Variants in GRHL2 observed in about 807,000 individuals in gnomAD.
GRHL2 encodes grainyhead like transcription factor 2.
A neutral mutation model predicts 83.8 loss-of-function variants in GRHL2; 21 were observed. The observed-to-expected ratio is 0.25, with a 90% CI of 0.18 to 0.36. The LOEUF (loss-of-function observed/expected upper bound fraction) is 0.36, where lower values mean the gene tolerates loss of function less well. GRHL2 is among the 10% of genes least tolerant of loss of function. The pLI is 1.00. For synonymous variants in GRHL2, 280 were observed against 278.9 expected (o/e 1.00, Z -0.04); for missense variants, 623 against 781.8 (o/e 0.80, Z 2.42).
At chr8:101,633,343 G>A (rs1160621615) in intron 11 of GRHL2, among the ~76,000 whole-genome samples, 1 of 152,150 alleles carries the variant, frequency 6.6e-6, no homozygotes, top group Non-Finnish European at 1.5e-5. Context: ...GTCCTTTGAG[G>A]AAACATCTGT....
chr8:101,652,785 T>C (rs1045831496), intron 14 of GRHL2, among the ~76,000 whole-genome samples: 9 of 152,094 alleles, frequency 5.9e-5, no homozygotes, highest in Admixed American at 2.0e-4. Flanking sequence ...GCTCGTGGGA[T>C]TGTTGTGAGA....
intron 8 of GRHL2, among the ~76,000 whole-genome samples, chr8:101,616,519 C>G (rs2130362583): frequency 6.6e-6 from 1 of 152,230 alleles, no homozygotes; most frequent in African/African-American, 2.4e-5. Flanking sequence ...TGTGAATCAC[C>G]TGACATTTGC....
chr8:101,625,014 T>G (rs1813053752), intron 9 of GRHL2, among the ~76,000 whole-genome samples: 1 of 152,160 alleles, frequency 6.6e-6, no homozygotes, highest in Admixed American at 6.6e-5. Context: ...AATCAGCTTA[T>G]GTCTTTAATT....
intron 1 of GRHL2, among the ~76,000 whole-genome samples, chr8:101,519,491 T>C (rs371154259): frequency 4.6e-5 from 7 of 151,938 alleles, no homozygotes; most frequent in African/African-American, 1.4e-4. Flanking sequence ...CTCAGACTCC[T>C]GGGTTTAAGC....
At chr8:101,581,350 G>T (rs959660204) in intron 7 of GRHL2, among the ~76,000 whole-genome samples, 5 of 152,176 alleles carry the variant, frequency 3.3e-5, no homozygotes, top group Non-Finnish European at 7.3e-5. Context: ...ACAAACCCAG[G>T]CCCAAGTAGA....
At chr8:101,575,157 TC>T (rs886463256) in intron 6 of GRHL2, among the ~76,000 whole-genome samples, 8 of 152,028 alleles carry the variant, frequency 5.3e-5, no homozygotes, top group African/African-American at 1.7e-4. Context: ...AATTACATCC[TC>T]CCCCTCTTGT....
intron 13 of GRHL2, among the ~76,000 whole-genome samples, chr8:101,646,740 C>A (rs1483556868): frequency 1.3e-5 from 2 of 152,224 alleles, no homozygotes; most frequent in Non-Finnish European, 2.9e-5. Context: ...ATGTGGCCAC[C>A]TGCCTTTGGC....
At chr8:101,495,539 A>T (rs979111535) in intron 1 of GRHL2, among the ~76,000 whole-genome samples, 6 of 152,236 alleles carry the variant, frequency 3.9e-5, no homozygotes, top group Admixed American at 3.9e-4. Context: ...AAGCATGTGT[A>T]CAAGTGAAGC....
chr8:101,680,094 A>G, the GRHL2 span, among the ~76,000 whole-genome samples: 1 of 119,314 alleles, frequency 8.4e-6, no homozygotes, highest in Non-Finnish European at 1.7e-5. Context: ...TTAAATGTAA[A>G]TGGGCTAAAT....
chr8:101,673,492 G>C (rs1054264920), downstream of GRHL2, among the ~76,000 whole-genome samples: 1 of 146,348 alleles, frequency 6.8e-6, no homozygotes, highest in Admixed American at 6.9e-5. Flanking sequence ...AATTCAACAA[G>C]AAGAGCTAAC....
Position 101,533,502 on chromosome 8 carries a change from A to G in GRHL2, c.21-9739A>G, listed in dbSNP as rs186476089. On this transcript the variant is annotated intron_variant, in intron 1 of 15. Coordinates refer to ENST00000646743, the MANE Select transcript of GRHL2 (RefSeq NM_024915.4). ...ATATATTCATGAACAAAACAACCCC[A>G]GCCCTGTGGAACTTAGGTTCTAGCG... is the stretch of plus-strand genomic sequence containing the variant. 3.7e-3 allele frequency among the ~76,000 whole-genome samples: 565 copies of G among 152,370 alleles called. 5 individuals are homozygous for G. The highest frequency in any genetic ancestry group is 0.013 in the African/African-American group (547 of 41,586).
chr8:101,631,905 A>G (rs571627961), intron 10 of GRHL2, among the ~76,000 whole-genome samples, 181 bp downstream of exon 10: 2 of 152,342 alleles, frequency 1.3e-5, no homozygotes, highest in East Asian at 3.9e-4. Context: ...ATAGAATCAC[A>G]TGAGCACAGT....
chr8:101,569,497 C>T (rs1811778965), intron 4 of GRHL2, among the ~76,000 whole-genome samples: 1 of 152,190 alleles, frequency 6.6e-6, no homozygotes, highest in Non-Finnish European at 1.5e-5. Flanking sequence ...TTAATAGGCA[C>T]TCCAGCCTGT....
intron 1 of GRHL2, chr8:101,542,927 C>A (rs1352454709): frequency 2.2e-6 from 1 of 445,434 alleles, no homozygotes; most frequent in Non-Finnish European, 4.4e-6. Flanking sequence ...GGGCTCAACA[C>A]CATGTGGGAG....
intron 1 of GRHL2, among the ~76,000 whole-genome samples, chr8:101,514,265 A>G (rs1253836020): frequency 6.6e-6 from 1 of 152,248 alleles, no homozygotes; most frequent in Non-Finnish European, 1.5e-5. Flanking sequence ...ATTCCTGTGG[A>G]TAGAACTGGG....
At chr8:101,494,022 C>A (rs535247413) in intron 1 of GRHL2, among the ~76,000 whole-genome samples, 17 of 152,276 alleles carry the variant, frequency 1.1e-4, no homozygotes, top group African/African-American at 4.1e-4. Context: ...CGCGTCCGGG[C>A]CTGGGAACTG....
At chr8:101,617,284 G>A (rs1012625896) in intron 8 of GRHL2, among the ~76,000 whole-genome samples, 3 of 152,174 alleles carry the variant, frequency 2.0e-5, no homozygotes, top group Non-Finnish European at 2.9e-5. Flanking sequence ...TAATCAGCCT[G>A]TCACTAAGCC....
Position 101,626,892 on chromosome 8 carries a change from C to T in GRHL2, c.1258-4745C>T, listed in dbSNP as rs182030592. ...TTTTCTTTACTTTAATGGAATGTAT[C>T]GAAGCTTCCCGGGGTCACTGTGAAG... is the stretch of plus-strand genomic sequence containing the variant. On this transcript the variant is annotated intron_variant, in intron 9 of 15. Transcript: ENST00000646743. Among the ~76,000 whole-genome samples the T allele has an allele frequency of 5.5e-4, 84 of 152,060 alleles. No individual in the cohort carries two copies. The South Asian group carries it at 0.012, about 21-fold the overall frequency.
chr8:101,608,816 G>T (rs1812688608), intron 8 of GRHL2, among the ~76,000 whole-genome samples: 2 of 145,106 alleles, frequency 1.4e-5, no homozygotes, highest in East Asian at 1.9e-4. Context: ...ATGTAGAGAG[G>T]TCCTCTTTCT....
Sources: gnomAD v4.1 joint callset for allele counts (sites outside exome capture counted in the v4.1 genomes callset) on GRCh38, gnomAD v4.1.1 for gene constraint, MANE v1.5 for transcripts, NCBI Gene and HGNC (gene_info 2026-07-23, HGNC 2026-07-21) for gene names.